The following KAZN variants were observed in gnomAD, a reference collection of about 807,000 sequenced individuals.
KAZN encodes the protein kazrin.
Under a neutral mutation model 87.4 loss-of-function variants are expected in KAZN, and 40 were observed. The ratio of observed to expected loss-of-function variants is 0.46; its 90% CI spans 0.36 to 0.60. The LOEUF (loss-of-function observed/expected upper bound fraction) is 0.60, where lower values mean the gene tolerates loss of function less well. Ranked by LOEUF, KAZN falls within the 20% of genes least tolerant of loss-of-function variation. KAZN has a pLI of 0.00. For synonymous variants in KAZN, 466 were observed against 458.3 expected (o/e 1.02, Z -0.22); for missense variants, 898 against 1,073.9 (o/e 0.84, Z 2.29).
chr1:13,948,688 C>T (rs12135494), intron 1 of KAZN, among the ~76,000 whole-genome samples: 10,835 of 152,102 alleles, frequency 0.071, 595 homozygotes, highest in East Asian at 0.2. Context: ...GGCCATGAAC[C>T]GTTCTTTTTT....
At chr1:14,987,448 T>A (rs1666937401) in intron 2 of KAZN, among the ~76,000 whole-genome samples, 1 of 151,940 alleles carries the variant, frequency 6.6e-6, no homozygotes, top group African/African-American at 2.4e-5. Flanking sequence ...GAGCCGAGAT[T>A]GTGCCACTGC....
chr1:14,558,996 C>A (rs185593934), intron 2 of KAZN, among the ~76,000 whole-genome samples: 1 of 152,256 alleles, frequency 6.6e-6, no homozygotes, highest in Non-Finnish European at 1.5e-5. Flanking sequence ...TTTGATCTTG[C>A]CCATGGCCCC....
intron 1 of KAZN, among the ~76,000 whole-genome samples, chr1:14,897,076 C>T (rs900565201): frequency 2.6e-5 from 4 of 152,202 alleles, no homozygotes; most frequent in Admixed American, 2.6e-4. Context: ...CTAATCACGG[C>T]TCTATCTCCT....
intron 2 of KAZN, among the ~76,000 whole-genome samples, chr1:14,978,148 G>T: frequency 6.6e-6 from 1 of 152,110 alleles, no homozygotes; most frequent in East Asian, 1.9e-4. Flanking sequence ...CCCAGCTGGG[G>T]CTGGTTCTTG....
At chr1:14,395,094 G>A (rs1662781802) in intron 2 of KAZN, among the ~76,000 whole-genome samples, 1 of 152,132 alleles carries the variant, frequency 6.6e-6, no homozygotes, top group Non-Finnish European at 1.5e-5. Flanking sequence ...GAGAGAGAGG[G>A]AGAGAATAAG....
In KAZN at chr1:13,940,527, C is replaced by T. The variant is rs150384361; in HGVS notation, c.91+46771C>T. On this transcript the variant is annotated intron_variant, in intron 1 of 16. Transcript: ENST00000636203. Reference sequence around the variant, plus strand: ...GATTGTGTATATTTGAAACTTCTCTCTTCAGTTCTAGTTTTCTGATGACAT... The same window carrying T: ...GATTGTGTATATTTGAAACTTCTCTTTTCAGTTCTAGTTTTCTGATGACAT... 5.5e-3 allele frequency among the ~76,000 whole-genome samples: 836 copies of T among 152,212 alleles called. 6 individuals carry two copies. The highest frequency in any genetic ancestry group is 0.019 in the African/African-American group (795 of 41,518).
Position 14,112,423 on chromosome 1 carries a change from T to A in KAZN, c.92-68012T>A, listed in dbSNP as rs990745692. Among the ~76,000 whole-genome samples the A allele has an allele frequency of 6.4e-5, 5 of 77,832 alleles. 1 individual carries two copies. The highest frequency in any genetic ancestry group is 4.4e-4 in the South Asian group (1 of 2,290). The allele number at this position is 77,832 out of a possible 152,430, so 51.1% of individuals were successfully genotyped here. On this transcript the variant is annotated intron_variant, in intron 1 of 16. Transcript: ENST00000636203. ...TGCCTGCATCCCTCCCACTCCTCTT[T>A]GGCCACTGTGGGTTGTCAACAGTCT...
intron 1 of KAZN, among the ~76,000 whole-genome samples, chr1:14,044,268 G>T (rs1641963657): frequency 6.6e-6 from 1 of 151,948 alleles, no homozygotes; most frequent in Non-Finnish European, 1.5e-5. Flanking sequence ...TAGTTCAGTG[G>T]CTTTTAGAAT....
rs1395141074 is a variant in KAZN at position 14,950,632 on chromosome 1, T to C, written c.227-10052T>C. Among the ~76,000 whole-genome samples the C allele has an allele frequency of 2.6e-5, 4 of 152,266 alleles. No individual in the cohort carries two copies. In the East Asian group the frequency reaches 5.8e-4, roughly 22 times the overall value. ...TTTCCCTGTGGCAGCTGTGGTCACA[T>C]ACAGAGCTTTCAGGAGGCTTTGGAG... On this transcript the variant is annotated intron_variant, in intron 1 of 14. Coordinates refer to ENST00000376030, the MANE Select transcript of KAZN (RefSeq NM_201628.3).
At chr1:14,975,686 A>G (rs1665520427) in intron 2 of KAZN, among the ~76,000 whole-genome samples, 1 of 152,166 alleles carries the variant, frequency 6.6e-6, no homozygotes, top group Non-Finnish European at 1.5e-5. Flanking sequence ...CCCATTTTGC[A>G]CATGAAAAGA....
At chr1:14,743,788 G>A (rs1015786862) in intron 1 of KAZN, among the ~76,000 whole-genome samples, 17 of 152,118 alleles carry the variant, frequency 1.1e-4, no homozygotes, top group African/African-American at 3.9e-4. Context: ...GGAGGGAGCC[G>A]CTTTCCTGAC....
At chr1:15,022,096 A>G (rs907448426) in intron 2 of KAZN, among the ~76,000 whole-genome samples, 1 of 152,238 alleles carries the variant, frequency 6.6e-6, no homozygotes, top group African/African-American at 2.4e-5. Context: ...GGGAGCTACA[A>G]TTCAAGATGA....
At chr1:14,430,215 A>C (rs1665971256) in intron 2 of KAZN, among the ~76,000 whole-genome samples, 2 of 142,306 alleles carry the variant, frequency 1.4e-5, no homozygotes, top group Admixed American at 7.0e-5. Context: ...CCTGCAACCA[A>C]AAAAAAAAAA....
chr1:14,136,953 C>A (rs772267380), intron 1 of KAZN, among the ~76,000 whole-genome samples: 1 of 152,110 alleles, frequency 6.6e-6, no homozygotes, highest in African/African-American at 2.4e-5. Flanking sequence ...GGCCACCCAA[C>A]GCCGAGGGAG....
chr1:14,206,334 C>T (rs1283053249), intron 2 of KAZN, among the ~76,000 whole-genome samples: 1 of 152,086 alleles, frequency 6.6e-6, no homozygotes, highest in African/African-American at 2.4e-5. Context: ...TATATTTCAC[C>T]TGCAGTTTTG....
At chr1:13,998,093 T>C (rs566313313) in intron 1 of KAZN, among the ~76,000 whole-genome samples, 1 of 152,306 alleles carries the variant, frequency 6.6e-6, no homozygotes, top group Admixed American at 6.5e-5. Context: ...AAAAGAATTT[T>C]CAACCCAGAA....
intron 1 of KAZN, among the ~76,000 whole-genome samples, chr1:14,042,328 C>A (rs1328170194): frequency 6.6e-6 from 1 of 152,130 alleles, no homozygotes; most frequent in Non-Finnish European, 1.5e-5. Context: ...AGGGAAGTCA[C>A]TTCCTATGCT....
intron 1 of KAZN, among the ~76,000 whole-genome samples, chr1:14,795,626 A>G (rs1454757644): frequency 4.6e-5 from 7 of 151,630 alleles, no homozygotes; most frequent in Non-Finnish European, 8.8e-5. Context: ...AAATCTGCCC[A>G]ACCTCGCTCC....
At position 13,945,710 on chromosome 1, in the gene KAZN, T is replaced by TGTGAGA. The variant is rs757118365; in HGVS notation, c.91+51955_91+51956insTGAGAG. Among the ~76,000 whole-genome samples the TGTGAGA allele has an allele frequency of 0.027, 3,693 of 137,100 alleles. 233 individuals carry two copies. In the East Asian group the frequency reaches 0.27, roughly 10 times the overall value. The allele number at this position is 137,100 out of a possible 152,430, so 89.9% of individuals were successfully genotyped here. A position where few individuals can be genotyped will look rare whatever the true frequency, so the allele number is the denominator to read the frequency against. ...GTGTGTGTGTGTGTGTGTGTGTGTG[T>TGTGAGA]GAGAGAGAGAGAGAGAGAGAGAGAG... On this transcript the variant is annotated intron_variant, in intron 1 of 16. Transcript: ENST00000636203.
Sources: allele counts gnomAD v4.1 joint callset (sites outside exome capture counted in the v4.1 genomes callset), GRCh38; gene constraint gnomAD v4.1.1; transcripts MANE v1.5; gene names NCBI Gene and HGNC (gene_info 2026-07-23, HGNC 2026-07-21).